TEK: variants seen among roughly 807,000 people sequenced by gnomAD.
TEK encodes TEK receptor tyrosine kinase.
TEK carries 43 observed loss-of-function variants against 131.8 expected under a neutral mutation model. The ratio of observed to expected loss-of-function variants is 0.33; its 90% confidence interval spans 0.26 to 0.42. The LOEUF (loss-of-function observed/expected upper bound fraction) is 0.42, where lower values mean the gene tolerates loss of function less well. Ranked by LOEUF, TEK falls within the 10% of genes least tolerant of loss-of-function variation. The probability of loss-of-function intolerance (pLI) is 1.00; values close to 1 mark genes in which losing one functional copy is unlikely to be tolerated. For missense variants in TEK, 1,162 were observed against 1,384.4 expected (o/e 0.84, Z 2.55); for synonymous variants, 580 against 491.6 (o/e 1.18, Z -2.38).
At chr9:27,149,801 G>C (rs1216343976) in intron 1 of TEK, among the ~76,000 whole-genome samples, 2 of 152,134 alleles carry the variant, frequency 1.3e-5, no homozygotes, top group Non-Finnish European at 2.9e-5. Flanking sequence ...CATAAGGGTA[G>C]TTGGGAACTT....
chr9:27,155,723 TG>T (rs754365324), intron 1 of TEK, among the ~76,000 whole-genome samples: 13 of 152,300 alleles, frequency 8.5e-5, no homozygotes, highest in East Asian at 1.9e-4. Context: ...AAAATTGTAA[TG>T]TTTTTTTCCC....
chr9:27,171,919 G>T (rs1348677361), intron 4 of TEK, among the ~76,000 whole-genome samples: 1 of 152,150 alleles, frequency 6.6e-6, no homozygotes, highest in African/African-American at 2.4e-5. Context: ...TCTGGAGTCT[G>T]ATATAACACC....
intron 15 of TEK, among the ~76,000 whole-genome samples, chr9:27,207,444 A>T (rs1825437997): frequency 6.6e-6 from 1 of 152,220 alleles, no homozygotes; most frequent in Non-Finnish European, 1.5e-5. Flanking sequence ...AAAACCACTG[A>T]CTTAAGGTCA....
intron 2 of TEK, among the ~76,000 whole-genome samples, chr9:27,168,045 C>T (rs1027877172): frequency 6.6e-6 from 1 of 152,084 alleles, no homozygotes; most frequent in South Asian, 2.1e-4. Flanking sequence ...CAATTTGATG[C>T]TCAAAGGAAA....
chr9:27,191,226 T>A (rs1824808800), intron 10 of TEK, among the ~76,000 whole-genome samples: 2 of 152,048 alleles, frequency 1.3e-5, no homozygotes, highest in African/African-American at 4.8e-5. Flanking sequence ...CAGACTGGAA[T>A]GGGCTCGGGG....
Position 27,197,614 on chromosome 9 carries a change from C to T in TEK, c.1909+15C>T, listed in dbSNP as rs777203036. 1.9e-6 allele frequency: 3 copies of T among 1,613,542 alleles called. No individual in the cohort carries two copies. Among genetic ancestry groups the T allele is most frequent in the Admixed American group, 3.3e-5 (2 of 59,974 alleles). On this transcript the variant is annotated intron_variant, in intron 12 of 22. Transcript: ENST00000380036. ...CCTTAGTGACAGTAAGTAATTCATG[C>T]TGCTCCAGCCTCATCTGAGCAATAA... is the stretch of plus-strand genomic sequence containing the variant.
chr9:27,132,075 T>G (rs13293051), intron 1 of TEK, among the ~76,000 whole-genome samples: 57,784 of 150,886 alleles, frequency 0.38, 12,253 homozygotes, highest in Non-Finnish European at 0.47. Flanking sequence ...AGACATCTTT[T>G]ATTTTTATTC....
At chr9:27,229,032 A>C (rs1251250367) in intron 22 of TEK, 126 bp from the exon 23 acceptor site, 1 of 809,638 alleles carries the variant, frequency 1.2e-6, no homozygotes, top group East Asian at 2.5e-5. Flanking sequence ...AGGACAGAAA[A>C]GTATCCCCCA....
intron 17 of TEK, 127 bp from the exon 18 acceptor site, chr9:27,213,357 T>C: frequency 1.4e-6 from 1 of 696,126 alleles, no homozygotes; most frequent in South Asian, 1.6e-5. Flanking sequence ...AGGGGAACTT[T>C]AAGGGAACTG....
chr9:27,132,376 A>G (rs143861819), intron 1 of TEK, among the ~76,000 whole-genome samples: 254 of 152,296 alleles, frequency 1.7e-3, no homozygotes, highest in African/African-American at 5.5e-3. Flanking sequence ...TTAAATCAGT[A>G]CCAATTAACA....
At chr9:27,202,685 C>T in intron 12 of TEK, 135 bp from the exon 13 acceptor site, 1 of 884,964 alleles carries the variant, frequency 1.1e-6, no homozygotes, top group South Asian at 1.6e-5. Context: ...GTAGCCACTA[C>T]CAATTGATTG....
chr9:27,178,140 A>G (rs1038928138), intron 6 of TEK, among the ~76,000 whole-genome samples: 3 of 152,036 alleles, frequency 2.0e-5, no homozygotes, highest in Non-Finnish European at 2.9e-5. Flanking sequence ...TGAGTTTTGA[A>G]TATAATGAGA....
Position 27,185,538 on chromosome 9 carries a change from C to G in TEK, c.1236C>G (p.His412Gln). 2 of 1,613,834 alleles carry G rather than the reference C, an allele frequency of 1.2e-6. No homozygotes were observed. Among genetic ancestry groups the G allele is most frequent in the Non-Finnish European group, 1.7e-6 (2 of 1,179,804 alleles). Residue 412 changes from histidine to glutamine, a missense_variant, in exon 9 of 23, where the codon CAC (histidine) becomes CAG (glutamine). Physicochemically the swap from His to Gln is conservative, Grantham distance 24. Around this residue, in one of 6 missense-constraint regions of TEK, gnomAD observed 436 missense variants for 539.1 expected, o/e 0.81. Coordinates refer to ENST00000380036, the MANE Select transcript of TEK (RefSeq NM_000459.5). Reference sequence around the variant, plus strand: ...TCTCAGTAGCCATATTCACCATCCACCGGATCCTCCCCCCTGACTCAGGAG... The same window carrying G: ...TCTCAGTAGCCATATTCACCATCCAGCGGATCCTCCCCCCTGACTCAGGAG... ...DHFSVAIFTIHRILPPDSGVW... is the reference protein window; with the variant it reads ...DHFSVAIFTIQRILPPDSGVW...
At position 27,149,797 on chromosome 9, in the gene TEK, G is replaced by A. The variant is rs114804819; in HGVS notation, c.53-8034G>A. Among the ~76,000 whole-genome samples the A allele has an allele frequency of 8.5e-3, 1,295 of 152,202 alleles. 16 individuals carry two copies. Among genetic ancestry groups the A allele is most frequent in the African/African-American group, 0.03 (1,236 of 41,522 alleles). ...TATGTACGTCTTTGAGCAGCATAAG[G>A]GTAGTTGGGAACTTGGCAGGTAATT... On this transcript the variant is annotated intron_variant, in intron 1 of 22. Transcript: ENST00000380036.
At chr9:27,124,426 TTTACTCGTGATG>T (rs1260395162) in intron 1 of TEK, among the ~76,000 whole-genome samples, 2 of 152,184 alleles carry the variant, frequency 1.3e-5, no homozygotes, top group African/African-American at 4.8e-5. Context: ...CAGGGCATGT[TTTACTCGTGATG>T]TTAGAAACAC....
intron 18 of TEK, among the ~76,000 whole-genome samples, chr9:27,214,794 T>G (rs1440854739): frequency 1.3e-5 from 2 of 152,182 alleles, no homozygotes; most frequent in African/African-American, 4.8e-5. Flanking sequence ...TCGAGGGCCC[T>G]GCATGCTTAT....
At chr9:27,151,835 T>C (rs1481269814) in intron 1 of TEK, among the ~76,000 whole-genome samples, 1 of 152,238 alleles carries the variant, frequency 6.6e-6, no homozygotes, top group Admixed American at 6.5e-5. Context: ...TAATGAGTGC[T>C]TTTTGAACTG....
At chr9:27,190,816 G>A (rs989432072) in intron 10 of TEK, 126 bp downstream of exon 10, 50 of 1,380,654 alleles carry the variant, frequency 3.6e-5, no homozygotes, top group Non-Finnish European at 2.0e-5. Context: ...TGTTGCAGAG[G>A]ATTCTGTTTC....
chr9:27,225,014 C>T (rs968754064), intron 21 of TEK, among the ~76,000 whole-genome samples: 2 of 152,176 alleles, frequency 1.3e-5, no homozygotes, highest in African/African-American at 4.8e-5. Flanking sequence ...ACAACTGCTA[C>T]AAAGAGAATA....
Sources: allele counts gnomAD v4.1 joint callset (sites outside exome capture counted in the v4.1 genomes callset), GRCh38; gene constraint gnomAD v4.1.1; regional missense constraint gnomAD v4.1.1; transcripts MANE v1.5; gene names NCBI Gene and HGNC (gene_info 2026-07-23, HGNC 2026-07-21).